Variants in PPARG observed in about 807,000 individuals in gnomAD.
PPARG encodes the protein peroxisome proliferator-activated receptor gamma.
A neutral mutation model predicts 39.2 loss-of-function variants in PPARG; 17 were observed. The observed-to-expected ratio is 0.43, with a 90% CI of 0.30 to 0.65. PPARG has a LOEUF of 0.65. PPARG is among the 30% of genes least tolerant of loss of function. PPARG has a pLI of 0.13. For synonymous variants in PPARG, 223 were observed against 215.7 expected (o/e 1.03, Z -0.30); for missense variants, 406 against 585.9 (o/e 0.69, Z 3.17).
intron 2 of PPARG, among the ~76,000 whole-genome samples, chr3:12,375,067 C>G (rs547208225): frequency 6.6e-6 from 1 of 152,148 alleles, no homozygotes; most frequent in Admixed American, 6.5e-5. Flanking sequence ...ATACACGACC[C>G]CTAGGGATAT....
chr3:12,348,433 G>C (rs566130466), intron 2 of PPARG, among the ~76,000 whole-genome samples: 6 of 152,306 alleles, frequency 3.9e-5, no homozygotes, highest in African/African-American at 1.4e-4. Context: ...ATGTTGAAGA[G>C]TAGCTTTCTC....
intron 2 of PPARG, among the ~76,000 whole-genome samples, chr3:12,376,084 G>C (rs546317584): frequency 6.6e-6 from 1 of 151,804 alleles, no homozygotes; most frequent in Non-Finnish European, 1.5e-5. Context: ...CGAGTAGCTG[G>C]GATCACAGGC....
At chr3:12,305,199 A>G (rs12629497) in intron 1 of PPARG, among the ~76,000 whole-genome samples, 42,476 of 151,638 alleles carry the variant, frequency 0.28, 6,052 homozygotes, top group East Asian at 0.33. Flanking sequence ...CTCTTTCCCA[A>G]TTGCTACTGT....
At chr3:12,312,160 G>A (rs529389049) in intron 1 of PPARG, among the ~76,000 whole-genome samples, 1 of 152,322 alleles carries the variant, frequency 6.6e-6, no homozygotes, top group Non-Finnish European at 1.5e-5. Context: ...AGATTCTCCA[G>A]CCCTGCATGA....
chr3:12,416,720 A>G lies in PPARG; in HGVS notation c.746A>G (p.Asp249Gly). 1 of 1,613,856 alleles carries G rather than the reference A, an allele frequency of 6.2e-7. No homozygotes were observed. Among genetic ancestry groups the G allele is most frequent in the Non-Finnish European group, 8.5e-7 (1 of 1,179,868 alleles). Residue 249 changes from aspartate (D) to glycine (G), a missense_variant, in exon 7 of 8, where the codon GAC becomes GGC. Around this residue, in one of 2 missense-constraint regions of PPARG, gnomAD observed 275 missense variants for 458.0 expected, o/e 0.60. Coordinates refer to ENST00000651735, the MANE Select transcript of PPARG (RefSeq NM_138711.6). ...TTDKSPFVIYDMNSLMMGEDK... is the reference protein window; with the variant it reads ...TTDKSPFVIYGMNSLMMGEDK... ...TATTTGCAGCCATTCGTTATCTATG[A>G]CATGAATTCCTTAATGATGGGAGAA...
intron 7 of PPARG, among the ~76,000 whole-genome samples, chr3:12,429,942 G>A (rs1416979925): frequency 6.6e-6 from 1 of 152,158 alleles, no homozygotes; most frequent in Non-Finnish European, 1.5e-5. Flanking sequence ...ATTGAATGCT[G>A]AAATCTAAAA....
chr3:12,296,906 G>A (rs531601481), intron 1 of PPARG, among the ~76,000 whole-genome samples: 1 of 152,134 alleles, frequency 6.6e-6, no homozygotes, highest in African/African-American at 2.4e-5. Flanking sequence ...TCCCTTCCTA[G>A]TGATTGTTGA....
chr3:12,316,429 G>T (rs1261370244), intron 2 of PPARG, among the ~76,000 whole-genome samples: 1 of 152,134 alleles, frequency 6.6e-6, no homozygotes, highest in Non-Finnish European at 1.5e-5. Flanking sequence ...CTTACCAGGG[G>T]CTGCGGCACT....
intron 7 of PPARG, among the ~76,000 whole-genome samples, chr3:12,433,395 A>G (rs1467079741): frequency 9.2e-5 from 14 of 152,008 alleles, no homozygotes; most frequent in Admixed American, 9.2e-4. Flanking sequence ...AAAATTAGAA[A>G]GGCGTGGTGG....
chr3:12,333,321 G>GT (rs1018695992), intron 2 of PPARG, among the ~76,000 whole-genome samples: 3 of 152,188 alleles, frequency 2.0e-5, no homozygotes, highest in Non-Finnish European at 4.4e-5. Context: ...ACAGAAGGAG[G>GT]TTAAATAGCT....
At chr3:12,355,095 TGAAGTA>T (rs2048618847) in intron 2 of PPARG, among the ~76,000 whole-genome samples, 1 of 152,190 alleles carries the variant, frequency 6.6e-6, no homozygotes, top group Non-Finnish European at 1.5e-5. Flanking sequence ...TTTCGTACAC[TGAAGTA>T]GAAGTCCAGA....
intron 2 of PPARG, among the ~76,000 whole-genome samples, chr3:12,350,540 A>G (rs2048451982): frequency 6.6e-6 from 1 of 152,178 alleles, no homozygotes; most frequent in Non-Finnish European, 1.5e-5. Flanking sequence ...AGTCACTGCA[A>G]TTCTAATAGG....
At chr3:12,420,842 C>G (rs555447911) in intron 7 of PPARG, among the ~76,000 whole-genome samples, 15 of 152,360 alleles carry the variant, frequency 9.8e-5, no homozygotes, top group African/African-American at 3.4e-4. Flanking sequence ...GCTGTTCACT[C>G]AGCTCTCAAA....
chr3:12,323,779 G>T (rs1474808116), intron 2 of PPARG, among the ~76,000 whole-genome samples: 2 of 151,940 alleles, frequency 1.3e-5, no homozygotes, highest in African/African-American at 4.8e-5. Flanking sequence ...AAAGAGTAAG[G>T]CCATTAGAAT....
chr3:12,366,945 T>C (rs1446856895), intron 2 of PPARG, among the ~76,000 whole-genome samples: 1 of 152,176 alleles, frequency 6.6e-6, no homozygotes, highest in Non-Finnish European at 1.5e-5. Flanking sequence ...GCTTTTATAT[T>C]CTGAAAGAGA....
At chr3:12,413,816 C>CAAAAA (rs10575755) in intron 6 of PPARG, among the ~76,000 whole-genome samples, 1 of 60,960 alleles carries the variant, frequency 1.6e-5, no homozygotes. Flanking sequence ...AACTCCATCT[C>CAAAAA]AAAAAAAAAA....
intron 4 of PPARG, among the ~76,000 whole-genome samples, chr3:12,388,579 G>T (rs141117832): frequency 2.0e-5 from 3 of 152,260 alleles, no homozygotes; most frequent in Non-Finnish European, 4.4e-5. Context: ...TTCAGACTTT[G>T]TAGGAGTCCC....
chr3:12,417,861 T>G (rs190388779), intron 7 of PPARG, among the ~76,000 whole-genome samples: 2 of 150,332 alleles, frequency 1.3e-5, no homozygotes, highest in African/African-American at 4.9e-5. Context: ...GATTTTCTTC[T>G]GAGTGTGACT....
chr3:12,337,469 G>A (rs1208762227), intron 2 of PPARG, among the ~76,000 whole-genome samples: 1 of 152,110 alleles, frequency 6.6e-6, no homozygotes, highest in Non-Finnish European at 1.5e-5. Flanking sequence ...TCTGAATAGA[G>A]CAAGAGTTTA....
Sources: gnomAD v4.1 joint callset for allele counts (sites outside exome capture counted in the v4.1 genomes callset) on GRCh38, gnomAD v4.1.1 for gene constraint, gnomAD v4.1.1 regional missense constraint, MANE v1.5 for transcripts, NCBI Gene and HGNC (gene_info 2026-07-23, HGNC 2026-07-21) for gene names.